The following ARID4B variants were observed in gnomAD, a reference collection of about 807,000 sequenced individuals.
ARID4B encodes AT-rich interactive domain-containing protein 4B.
In ARID4B, 26 loss-of-function variants were observed where a neutral mutation model predicts 147.5. The ratio of observed to expected loss-of-function variants is 0.18; its 90% CI spans 0.13 to 0.24. ARID4B has a LOEUF of 0.24. ARID4B is among the 10% of genes least tolerant of loss of function. The pLI is 1.00. For synonymous variants in ARID4B, 512 were observed against 507.9 expected, an observed-to-expected ratio of 1.01 and a Z score of -0.11; for missense variants, 1,179 against 1,511.5, an observed-to-expected ratio of 0.78 and a Z score of 3.65.
At position 235,255,685 on chromosome 1, in the gene ARID4B, T is replaced by C. The variant is rs1208820710; in HGVS notation, c.249A>G (p.Leu83=). The C allele has an allele frequency of 1.2e-6, 2 of 1,611,320 alleles. No homozygotes were observed. Among genetic ancestry groups the C allele is most frequent in the South Asian group, 1.1e-5 (1 of 90,578 alleles). Residue 83 remains leucine, a synonymous_variant, in exon 5 of 24, where the codon CTA becomes CTG. Transcript: ENST00000264183. ...GAYQEAVINK[L]TDASWYTVVF... Reference sequence around the variant, plus strand: ...CTACAGTGTACCAACTCGCATCTGTTAGTTTATTGATAACAGCTTCCTGAT... The same window carrying C: ...CTACAGTGTACCAACTCGCATCTGTCAGTTTATTGATAACAGCTTCCTGAT...
intron 17 of ARID4B, among the ~76,000 whole-genome samples, chr1:235,210,113 C>T (rs1053896105): frequency 6.6e-6 from 1 of 151,900 alleles, no homozygotes; most frequent in Non-Finnish European, 1.5e-5. Context: ...TAGAGTCCCA[C>T]CTATTCCAGA....
chr1:235,318,319 G>A (rs1219932471), intron 2 of ARID4B, among the ~76,000 whole-genome samples: 2 of 151,826 alleles, frequency 1.3e-5, no homozygotes, highest in Non-Finnish European at 2.9e-5. Context: ...GGGATTACAG[G>A]CGCCCACCAC....
At chr1:235,186,636 C>A (rs1278241308) in intron 19 of ARID4B, among the ~76,000 whole-genome samples, 1 of 152,148 alleles carries the variant, frequency 6.6e-6, no homozygotes, top group Non-Finnish European at 1.5e-5. Context: ...CTCCTGACCT[C>A]AGATGATCCA....
chr1:235,271,621 ACT>A (rs957257828), intron 2 of ARID4B, among the ~76,000 whole-genome samples: 1 of 147,754 alleles, frequency 6.8e-6, no homozygotes, highest in African/African-American at 2.5e-5. Context: ...CAAAAGTGAA[ACT>A]CTGTTTCAAA....
At chr1:235,277,553 A>G (rs1287606695) in intron 2 of ARID4B, among the ~76,000 whole-genome samples, 1 of 136,198 alleles carries the variant, frequency 7.3e-6, no homozygotes, top group Non-Finnish European at 1.6e-5. Context: ...AAAAAAAAAT[A>G]ATAATAATAA....
chr1:235,198,380 C>T (rs927480261), intron 17 of ARID4B, among the ~76,000 whole-genome samples: 3 of 152,112 alleles, frequency 2.0e-5, no homozygotes, highest in African/African-American at 7.2e-5. Flanking sequence ...ACATGCAACA[C>T]CAAACACATC....
Position 235,319,087 on chromosome 1 carries a change from A to T in ARID4B, c.6+7827T>A, listed in dbSNP as rs567140469. Among the ~76,000 whole-genome samples, 398 of 152,340 alleles carry T rather than the reference A, an allele frequency of 2.6e-3. 3 individuals are homozygous for T. Among genetic ancestry groups the T allele is most frequent in the African/African-American group, 9.2e-3 (381 of 41,576 alleles). On this transcript the variant is annotated intron_variant, in intron 2 of 23. Transcript: ENST00000264183. The stretch of plus-strand genomic sequence containing the variant: ...AAAGATCACTTGACCACAAGAGTTC[A>T]AGGCCAGCCTAGGTAACACAGCAAG...
intron 17 of ARID4B, 128 bp downstream of exon 17, chr1:235,213,640 AT>A (rs1328420054): frequency 1.1e-5 from 11 of 1,027,478 alleles, no homozygotes; most frequent in African/African-American, 3.2e-5. Flanking sequence ...GCTAAAAACT[AT>A]TTTTTATAAG....
chr1:235,176,839 A>C, intron 21 of ARID4B: 1 of 470,798 alleles, frequency 2.1e-6, no homozygotes, highest in Non-Finnish European at 4.4e-6. Flanking sequence ...GGCTGCTAGC[A>C]AAGGTCAGGC....
chr1:235,221,942 T>C (rs1667503075), intron 13 of ARID4B, among the ~76,000 whole-genome samples: 1 of 133,804 alleles, frequency 7.5e-6, no homozygotes, highest in Admixed American at 8.6e-5. Flanking sequence ...CTTATTCTAT[T>C]GCCTAGGCTA....
chr1:235,313,526 T>C (rs1250236228), intron 2 of ARID4B, among the ~76,000 whole-genome samples: 2 of 152,078 alleles, frequency 1.3e-5, no homozygotes, highest in Non-Finnish European at 2.9e-5. Flanking sequence ...TAGATCAGCT[T>C]CAGGTGGCTG....
At chr1:235,268,421 G>T (rs1447364617) in intron 2 of ARID4B, among the ~76,000 whole-genome samples, 1 of 152,098 alleles carries the variant, frequency 6.6e-6, no homozygotes, top group African/African-American at 2.4e-5. Context: ...AGGTGTGCGT[G>T]TGTGTCCCTA....
At chr1:235,293,017 C>A (rs1482087931) in intron 2 of ARID4B, among the ~76,000 whole-genome samples, 1 of 152,184 alleles carries the variant, frequency 6.6e-6, no homozygotes, top group Non-Finnish European at 1.5e-5. Context: ...TAGAGCCAGA[C>A]TACTCCTTCC....
chr1:235,267,103 C>G (rs759821531), intron 2 of ARID4B, among the ~76,000 whole-genome samples: 1 of 152,178 alleles, frequency 6.6e-6, no homozygotes, highest in Non-Finnish European at 1.5e-5. Flanking sequence ...CAGGGTGAAA[C>G]CCCGTCTCTA....
chr1:235,256,531 A>G (rs373736981), intron 4 of ARID4B, among the ~76,000 whole-genome samples: 1 of 152,242 alleles, frequency 6.6e-6, no homozygotes, highest in Non-Finnish European at 1.5e-5. Flanking sequence ...ACTGGCAAAA[A>G]GCAAAGCAGC....
intron 21 of ARID4B, 51 bp from the exon 22 acceptor site, chr1:235,175,450 TCA>T: frequency 1.4e-6 from 2 of 1,475,388 alleles, no homozygotes; most frequent in Middle Eastern, 1.8e-4. Context: ...AATAAATTTG[TCA>T]CAGATTTTAG....
At chr1:235,262,811 A>G (rs1670371177) in intron 2 of ARID4B, among the ~76,000 whole-genome samples, 1 of 152,140 alleles carries the variant, frequency 6.6e-6, no homozygotes, top group Non-Finnish European at 1.5e-5. Context: ...AATTAATTAA[A>G]AAAAAATTTT....
chr1:235,199,273 C>T (rs1265932747), intron 17 of ARID4B, among the ~76,000 whole-genome samples: 1 of 152,014 alleles, frequency 6.6e-6, no homozygotes, highest in African/African-American at 2.4e-5. Context: ...AATATTATGA[C>T]TCTTCTGTTA....
intron 1 of ARID4B, 138 bp from the exon 2 acceptor site, chr1:235,327,106 C>T: frequency 1.6e-6 from 1 of 623,494 alleles, no homozygotes; most frequent in South Asian, 1.9e-5. Context: ...AACCATCACA[C>T]GCCGACTCGG....
Sources: allele counts gnomAD v4.1 joint callset (sites outside exome capture counted in the v4.1 genomes callset), GRCh38; gene constraint gnomAD v4.1.1; transcripts MANE v1.5; gene names NCBI Gene and HGNC (gene_info 2026-07-23, HGNC 2026-07-21).